Variants in TRDN observed in about 807,000 individuals in gnomAD.
TRDN encodes the protein triadin in skeletal muscle.
In TRDN, 161 loss-of-function variants were observed where a neutral mutation model predicts 149.7. That is an observed-to-expected ratio of 1.08 (90% CI 0.95 to 1.23). TRDN has a LOEUF of 1.23. Ranked by LOEUF, TRDN falls within the 50% of genes most tolerant of loss-of-function variation. The pLI is 0.00. For missense variants in TRDN, 896 were observed against 823.5 expected (o/e 1.09, Z -1.08); for synonymous variants, 294 against 250.5 (o/e 1.17, Z -1.64).
intron 7 of TRDN, among the ~76,000 whole-genome samples, chr6:123,508,767 A>C (rs1031619046): frequency 2.6e-5 from 4 of 152,178 alleles, no homozygotes; most frequent in African/African-American, 9.6e-5. Flanking sequence ...AGAGCAAGAA[A>C]CATGCTGTGT....
chr6:123,465,017 A>G, intron 9 of TRDN, 34 bp from the exon 10 acceptor site: 5 of 1,546,586 alleles, frequency 3.2e-6, no homozygotes, highest in Non-Finnish European at 4.4e-6. Flanking sequence ...TGGAAAAAAA[A>G]AAGTATTAAC....
At chr6:123,404,722 G>A (rs1773124714) in intron 12 of TRDN, among the ~76,000 whole-genome samples, 1 of 152,202 alleles carries the variant, frequency 6.6e-6, no homozygotes, top group Non-Finnish European at 1.5e-5. Context: ...TGGGATTACA[G>A]GCGTGAGCCA....
chr6:123,262,436 T>C (rs534174357), intron 33 of TRDN, among the ~76,000 whole-genome samples: 14 of 152,158 alleles, frequency 9.2e-5, no homozygotes, highest in South Asian at 6.2e-4. Flanking sequence ...TTAGTTATCA[T>C]GGTAAATGTG....
intron 38 of TRDN, among the ~76,000 whole-genome samples, chr6:123,243,432 G>A (rs565501920): frequency 4.6e-5 from 7 of 152,158 alleles, no homozygotes; most frequent in Admixed American, 1.3e-4. Context: ...AGATCCCAAT[G>A]GAAAAGAAAA....
Position 123,585,646 on chromosome 6 carries a change from G to A in TRDN, c.23-14514C>T, listed in dbSNP as rs371261606. Among the ~76,000 whole-genome samples, 55 of 152,278 alleles carry A rather than the reference G, an allele frequency of 3.6e-4. 1 individual carries two copies. In the East Asian group the frequency reaches 5.6e-3, roughly 16 times the overall value. On this transcript the variant is annotated intron_variant, in intron 1 of 40. Coordinates refer to ENST00000334268, the MANE Select transcript of TRDN (RefSeq NM_006073.4). ...CTGGGAGTGGCTGCCGGGTGAGTTG[G>A]ACAGTCCGATTTCCAGTGGGGTTCC... is the stretch of plus-strand genomic sequence containing the variant.
chr6:123,337,847 C>T (rs1174316508), intron 21 of TRDN, among the ~76,000 whole-genome samples, 178 bp from the exon 22 acceptor site: 1 of 151,976 alleles, frequency 6.6e-6, no homozygotes, highest in Non-Finnish European at 1.5e-5. Flanking sequence ...AATATGTAAA[C>T]AATAGAAAAT....
chr6:123,585,464 G>A (rs1050160767), intron 1 of TRDN, among the ~76,000 whole-genome samples: 3 of 152,044 alleles, frequency 2.0e-5, no homozygotes, highest in Non-Finnish European at 4.4e-5. Context: ...ATTAAGATGG[G>A]GACAGACTTA....
chr6:123,511,314 A>T (rs940885334), intron 7 of TRDN, among the ~76,000 whole-genome samples: 1 of 152,118 alleles, frequency 6.6e-6, no homozygotes, highest in Admixed American at 6.6e-5. Flanking sequence ...TATATTTTAA[A>T]ATAACTAGAG....
chr6:123,568,507 T>A (rs1381568743), intron 2 of TRDN, among the ~76,000 whole-genome samples: 1 of 152,218 alleles, frequency 6.6e-6, no homozygotes, highest in Admixed American at 6.5e-5. Flanking sequence ...AGCTTCTGCC[T>A]GGGCACCCAG....
In TRDN at chr6:123,625,976, G is replaced by A. The variant is rs1324905060; in HGVS notation, c.22+10778C>T. Among the ~76,000 whole-genome samples the A allele has an allele frequency of 2.0e-5, 3 of 152,154 alleles. No individual in the cohort carries two copies. The South Asian group carries it at 6.2e-4, about 32-fold the overall frequency. On this transcript the variant is annotated intron_variant, in intron 1 of 40. Transcript: ENST00000334268. ...ACATTTCATGAAAGATGTCTCTGTA[G>A]TATGTGACATTCACTGTTTGATAGG...
chr6:123,548,430 G>C, intron 3 of TRDN, 24 bp downstream of exon 3: 1 of 1,476,644 alleles, frequency 6.8e-7, no homozygotes, highest in Middle Eastern at 1.8e-4. Flanking sequence ...CTAGCAGTTA[G>C]ATATATCTCT....
At chr6:123,254,479 C>G (rs1337136613) in intron 37 of TRDN, among the ~76,000 whole-genome samples, 1 of 152,006 alleles carries the variant, frequency 6.6e-6, no homozygotes, top group East Asian at 1.9e-4. Flanking sequence ...TACCTAGCAC[C>G]TTCGAATTTA....
chr6:123,590,375 G>T (rs1033299357), intron 1 of TRDN, among the ~76,000 whole-genome samples: 3 of 152,120 alleles, frequency 2.0e-5, no homozygotes, highest in African/African-American at 7.2e-5. Flanking sequence ...CCCCAGGTGG[G>T]ACTGTCCAGT....
Position 123,366,399 on chromosome 6 carries a change from C to A in TRDN, c.1274-217G>T, listed in dbSNP as rs561573586. Among the ~76,000 whole-genome samples, 7 of 152,234 alleles carry A rather than the reference C, an allele frequency of 4.6e-5. No individual in the cohort carries two copies. The East Asian group carries it at 1.4e-3, about 29-fold the overall frequency. On this transcript the variant is annotated intron_variant, in intron 19 of 40. Coordinates refer to ENST00000334268, the MANE Select transcript of TRDN (RefSeq NM_006073.4). ...AGAAATTCTCTTCCAAGGTGCAACT[C>A]TATTATCTTAAAAATGTAGGTAGTG...
chr6:123,274,964 T>C (rs1324925802), intron 26 of TRDN, among the ~76,000 whole-genome samples: 1 of 152,188 alleles, frequency 6.6e-6, no homozygotes, highest in Admixed American at 6.6e-5. Context: ...AAATTGTTGC[T>C]ATAGCTCATT....
chr6:123,451,979 AGAATTAAAAAC>A (rs541067980), intron 10 of TRDN, among the ~76,000 whole-genome samples: 152 of 152,290 alleles, frequency 1.0e-3, no homozygotes, highest in Middle Eastern at 6.8e-3. Context: ...CCACATAAAC[AGAATTAAAAAC>A]GAAAATCATA....
intron 1 of TRDN, among the ~76,000 whole-genome samples, chr6:123,574,857 CATATATATATATATATATATAT>C (rs1162190609): frequency 2.0e-5 from 1 of 50,570 alleles, no homozygotes; most frequent in Non-Finnish European, 3.7e-5. Flanking sequence ...TTTATATATA[CATATATATATATATATATATAT>C]ATATATATAT....
intron 9 of TRDN, among the ~76,000 whole-genome samples, chr6:123,483,066 T>TTTATTATTATTA (rs71021451): frequency 5.2e-4 from 70 of 133,362 alleles, no homozygotes; most frequent in South Asian, 1.0e-3. Flanking sequence ...TGATTTCTCA[T>TTTATTATTATTA]TTATTATTAT....
chr6:123,543,313 A>T (rs1198227342), intron 4 of TRDN, among the ~76,000 whole-genome samples: 1 of 152,118 alleles, frequency 6.6e-6, no homozygotes, highest in Non-Finnish European at 1.5e-5. Flanking sequence ...AGTCTTTGGG[A>T]ATGTGGTAAG....
Sources: gnomAD v4.1 joint callset for allele counts (sites outside exome capture counted in the v4.1 genomes callset) on GRCh38, gnomAD v4.1.1 for gene constraint, MANE v1.5 for transcripts, NCBI Gene and HGNC (gene_info 2026-07-23, HGNC 2026-07-21) for gene names.